The following MYH11 variants were observed in gnomAD, a reference collection of about 807,000 sequenced individuals.
MYH11 encodes the protein myosin heavy chain 11, also known as myosin-11.
Under a neutral mutation model 246.6 loss-of-function variants are expected in MYH11, and 80 were observed. The ratio of observed to expected loss-of-function variants is 0.32; its 90% confidence interval spans 0.27 to 0.39. MYH11 has a LOEUF of 0.39. Among genes scored for constraint, MYH11 ranks in the 10% least tolerant of loss-of-function variants. MYH11 has a pLI of 1.00. For synonymous variants in MYH11, 1,071 were observed against 1,015.5 expected, an observed-to-expected ratio of 1.05 and a Z score of -1.04; for missense variants, 2,158 against 2,546.8, an observed-to-expected ratio of 0.85 and a Z score of 3.29.
At chr16:15,781,087 G>A (rs889442187) in intron 6 of MYH11, among the ~76,000 whole-genome samples, 2 of 151,998 alleles carry the variant, frequency 1.3e-5, no homozygotes, top group African/African-American at 2.4e-5. Flanking sequence ...ATTTATTTTT[G>A]TAGAGATGGG....
At chr16:15,753,773 C>T (rs1053359527) in intron 14 of MYH11, among the ~76,000 whole-genome samples, 1 of 152,166 alleles carries the variant, frequency 6.6e-6, no homozygotes, top group Non-Finnish European at 1.5e-5. Context: ...ACTAACGCTG[C>T]TGTGGTAGCC....
intron 40 of MYH11, among the ~76,000 whole-genome samples, chr16:15,705,780 G>C (rs925369060): frequency 6.6e-6 from 1 of 151,882 alleles, no homozygotes; most frequent in African/African-American, 2.4e-5. Flanking sequence ...AGGAGATCGA[G>C]ACCATCCTGG....
At chr16:15,740,719 A>G (rs1257669862) in intron 22 of MYH11, among the ~76,000 whole-genome samples, 2 of 152,118 alleles carry the variant, frequency 1.3e-5, no homozygotes, top group African/African-American at 4.8e-5. Context: ...TTTAAAATCT[A>G]TCCACAAGTT....
In MYH11 at chr16:15,738,482, C is replaced by T. The variant is rs895815775; in HGVS notation, c.3121+83G>A. The T allele has an allele frequency of 6.7e-6, 9 of 1,351,002 alleles. No individual in the cohort carries two copies. In the African/African-American group the frequency reaches 1.2e-4, roughly 18 times the overall value. The allele number at this position is 1,351,002 out of a possible 1,614,324, so 83.7% of individuals were successfully genotyped here. The stretch of plus-strand genomic sequence containing the variant: ...GAGCCATGATCGCACCACTGCACTG[C>T]AGCCTGGGCAACAGAGCAAGACCTC... On this transcript the variant is annotated intron_variant, in intron 24 of 40. Transcript: ENST00000300036.
Position 15,703,925 on chromosome 16 carries a change from GTTTT to G in MYH11, c.*62_*65del, listed in dbSNP as rs5815842. ...TTGCTTTGTTCTGGGTTGTTGTTGG[GTTTT>G]TTTTGTTTGTTTGTTTTGGTTTTTG... On this transcript the variant is annotated 3_prime_UTR_variant, in exon 41 of 41. Transcript: ENST00000300036. 16 of 1,606,350 alleles carry G rather than the reference GTTTT, an allele frequency of 1.0e-5. 1 individual carries two copies. The Admixed American group carries it at 1.2e-4, about 12-fold the overall frequency.
chr16:15,730,330 G>T (rs1287290574), intron 27 of MYH11, among the ~76,000 whole-genome samples: 2 of 147,702 alleles, frequency 1.4e-5, no homozygotes, highest in Non-Finnish European at 3.0e-5. Flanking sequence ...TCAGGAGTTC[G>T]AGATCAGCCT....
At chr16:15,744,931 T>A (rs564627237) in intron 20 of MYH11, among the ~76,000 whole-genome samples, 198 bp downstream of exon 20, 1 of 152,312 alleles carries the variant, frequency 6.6e-6, no homozygotes, top group South Asian at 2.1e-4. Flanking sequence ...TAATACTTTG[T>A]GTTAAGGTCC....
chr16:15,721,539 G>C lies in MYH11; in HGVS notation c.4461C>G (p.Ser1487=), dbSNP rs776746865. The change falls in exon 32 of 41, where the codon TCC becomes TCG. Residue 1487 remains serine, a synonymous_variant. Coordinates refer to ENST00000300036, the MANE Select transcript of MYH11 (RefSeq NM_002474.3). ...AGGCCTCTTCAAGGGCCCGAGCCAG[G>C]GACAGGGCCTTGGTTTCCTTCTCCC... The part of the protein sequence containing the change: ...EAREKETKAL[S]LARALEEALE... 6.2e-7 allele frequency: 1 copy of C among 1,614,180 alleles called. No homozygotes were observed. The highest frequency in any genetic ancestry group is 8.5e-7 in the Non-Finnish European group (1 of 1,180,030).
chr16:15,835,903 C>T (rs1567210126), intron 2 of MYH11, among the ~76,000 whole-genome samples: 1 of 151,876 alleles, frequency 6.6e-6, no homozygotes, highest in Non-Finnish European at 1.5e-5. Flanking sequence ...TATGAGTACG[C>T]ACCACTGCAC....
intron 2 of MYH11, among the ~76,000 whole-genome samples, chr16:15,833,579 C>A (rs547327187): frequency 8.1e-4 from 124 of 152,266 alleles, no homozygotes; most frequent in African/African-American, 2.6e-3. Context: ...GAGCCCAGAA[C>A]CTGCATCTCT....
chr16:15,748,048 G>A lies in MYH11; in HGVS notation c.2179C>T (p.Arg727Cys), dbSNP rs1401359617. 38 of 1,614,068 alleles carry A rather than the reference G, an allele frequency of 2.4e-5. No individual in the cohort carries two copies. The highest frequency in any genetic ancestry group is 2.9e-5 in the Non-Finnish European group (34 of 1,180,048). ...NRIVFQEFRQ[R>C]YEILAANAIP... ...CCTGGGCCAGACCTTGGGACTTACC[G>A]TTGGCGGAACTCCTGGAAGACGATC... Residue 727 changes from arginine (R) to cysteine (C), a missense_variant and splice_region_variant, in exon 17 of 41, where the codon CGC (arginine) becomes TGC (cysteine). By Grantham distance (180) the Arg-to-Cys change is radical. Around this residue, in one of 11 missense-constraint regions of MYH11, gnomAD observed 317 missense variants for 507.7 expected, o/e 0.62. Transcript: ENST00000300036.
rs551903912 is a variant in MYH11, at chr16:15,830,544, G to GGGTGCAGGAGGGGCTCTCTATGT, written c.346-7156_346-7134dup. Among the ~76,000 whole-genome samples, 62 of 152,226 alleles carry GGGTGCAGGAGGGGCTCTCTATGT rather than the reference G, an allele frequency of 4.1e-4. 1 individual carries two copies. The East Asian group carries it at 0.012, about 29-fold the overall frequency. On this transcript the variant is annotated intron_variant, in intron 2 of 40. Coordinates refer to ENST00000300036, the MANE Select transcript of MYH11 (RefSeq NM_002474.3). ...CGGGGCCTGTGCTGCCATTTTGGAG[G>GGGTGCAGGAGGGGCTCTCTATGT]GGTGCAGGAGGGGCTCTCTATGTGG...
intron 1 of MYH11, among the ~76,000 whole-genome samples, chr16:15,846,418 T>C (rs1426727555): frequency 6.6e-6 from 1 of 152,170 alleles, no homozygotes; most frequent in African/African-American, 2.4e-5. Context: ...TCTACGGTGA[T>C]AGAACTCAGA....
rs113232976 is a variant in MYH11 at position 15,726,725 on chromosome 16, G to A, written c.3858+123C>T. The A allele has an allele frequency of 1.5e-5, 17 of 1,144,314 alleles. 1 individual carries two copies. Among genetic ancestry groups the A allele is most frequent in the African/African-American group, 6.1e-5 (4 of 65,106 alleles). The allele number at this position is 1,144,314 out of a possible 1,614,324, so 70.9% of individuals were successfully genotyped here. A position where few individuals can be genotyped will look rare whatever the true frequency, so the allele number is the denominator to read the frequency against. On this transcript the variant is annotated intron_variant, in intron 28 of 40. Transcript: ENST00000300036. ...AGATCATCGCCTCTCCTCCAGGAAC[G>A]CAACTAGAGGAAAGGACTTGCCTTG...
chr16:15,715,952 C>A (rs1945919087), intron 38 of MYH11, among the ~76,000 whole-genome samples: 4 of 152,062 alleles, frequency 2.6e-5, no homozygotes, highest in African/African-American at 9.7e-5. Context: ...ATGGTGAAAC[C>A]CCATCCCTAC....
chr16:15,829,618 CTG>C (rs2043674113), intron 2 of MYH11, among the ~76,000 whole-genome samples: 1 of 152,202 alleles, frequency 6.6e-6, no homozygotes, highest in Admixed American at 6.6e-5. Context: ...TCCCAGCCTC[CTG>C]TGTCCCAGCC....
At chr16:15,770,642 T>C (rs1051942694) in intron 9 of MYH11, among the ~76,000 whole-genome samples, 2 of 152,142 alleles carry the variant, frequency 1.3e-5, no homozygotes, top group Admixed American at 6.5e-5. Flanking sequence ...ATGTTCCTGA[T>C]GAGGCCAACA....
intron 24 of MYH11, 88 bp from the exon 25 acceptor site, chr16:15,737,708 G>T: frequency 6.9e-7 from 1 of 1,445,872 alleles, no homozygotes; most frequent in Non-Finnish European, 9.6e-7. Context: ...TTTACCCGGA[G>T]GAGATGAACA....
At chr16:15,800,932 G>A (rs531319913) in intron 3 of MYH11, among the ~76,000 whole-genome samples, 35 of 152,248 alleles carry the variant, frequency 2.3e-4, no homozygotes, top group African/African-American at 6.0e-4. Flanking sequence ...CAGGCCGGGC[G>A]CAGTGGCTCA....
Sources: gnomAD v4.1 joint callset for allele counts (sites outside exome capture counted in the v4.1 genomes callset) on GRCh38, gnomAD v4.1.1 for gene constraint, gnomAD v4.1.1 regional missense constraint, MANE v1.5 for transcripts, NCBI Gene and HGNC (gene_info 2026-07-23, HGNC 2026-07-21) for gene names.